SGCD: variants seen among roughly 807,000 people sequenced by gnomAD.
SGCD encodes sarcoglycan delta.
SGCD carries 18 observed loss-of-function variants against 36.6 expected under a neutral mutation model. That is an observed-to-expected ratio of 0.49 (90% CI 0.34 to 0.73). SGCD has a LOEUF of 0.73. Ranked by LOEUF, SGCD falls within the 30% of genes least tolerant of loss-of-function variation. The pLI, the probability that SGCD is intolerant of heterozygous loss-of-function variation, is 0.01. For missense variants in SGCD, 387 were observed against 346.7 expected (o/e 1.12, Z -0.92); for synonymous variants, 133 against 130.6 (o/e 1.02, Z -0.12).
the SGCD span, among the ~76,000 whole-genome samples, chr5:155,754,415 G>A: frequency 1.3e-5 from 2 of 152,184 alleles, no homozygotes; most frequent in African/African-American, 4.8e-5. Flanking sequence ...CTTGCCATGG[G>A]AGGAAAGGAC....
intron 4 of SGCD, among the ~76,000 whole-genome samples, chr5:156,564,974 G>T (rs1409285144): frequency 6.6e-6 from 1 of 152,164 alleles, no homozygotes; most frequent in Non-Finnish European, 1.5e-5. Flanking sequence ...TCATCTTAGA[G>T]ATTCAAAGTC....
intron 3 of SGCD, among the ~76,000 whole-genome samples, chr5:156,493,036 G>A (rs1185321960): frequency 6.6e-6 from 1 of 152,166 alleles, no homozygotes; most frequent in Non-Finnish European, 1.5e-5. Flanking sequence ...ATGTGCACGT[G>A]TCTTTATAGT....
At chr5:156,159,472 C>T (rs1209194629) in intron 3 of SGCD, among the ~76,000 whole-genome samples, 1 of 151,304 alleles carries the variant, frequency 6.6e-6, no homozygotes, top group Non-Finnish European at 1.5e-5. Flanking sequence ...CTGAACCACT[C>T]ATAAAAAAAA....
At chr5:155,840,869 G>A in the SGCD span, among the ~76,000 whole-genome samples, 1 of 151,580 alleles carries the variant, frequency 6.6e-6, no homozygotes, top group Admixed American at 6.6e-5. Flanking sequence ...AAATTAGCTG[G>A]GCATGGTGGC....
the SGCD span, among the ~76,000 whole-genome samples, chr5:155,731,057 C>T: frequency 9.2e-5 from 14 of 151,982 alleles, no homozygotes; most frequent in African/African-American, 3.1e-4. Flanking sequence ...TTATGCATTA[C>T]AGAAAGACAG....
intron 4 of SGCD, among the ~76,000 whole-genome samples, chr5:156,519,038 C>A (rs1757297779): frequency 6.7e-6 from 1 of 150,368 alleles, no homozygotes; most frequent in Non-Finnish European, 1.5e-5. Context: ...AAAAAAAATT[C>A]AAAAAATCAA....
rs529340946 is a variant in SGCD at position 156,702,450 on chromosome 5, C to T, written c.575+54914C>T. Among the ~76,000 whole-genome samples, 4 of 152,176 alleles carry T rather than the reference C, an allele frequency of 2.6e-5. No individual in the cohort carries two copies. In the East Asian group the frequency reaches 5.8e-4, roughly 22 times the overall value. On this transcript the variant is annotated intron_variant, in intron 7 of 8. Transcript: ENST00000337851. ...AGCCAAAATGTGGATACTTTTCCTCCCAAGCCATCCTCAAACATACTCAGG... is the reference window on the plus strand; with the variant it reads ...AGCCAAAATGTGGATACTTTTCCTCTCAAGCCATCCTCAAACATACTCAGG...
intron 1 of SGCD, among the ~76,000 whole-genome samples, chr5:156,068,789 T>G (rs1024770430): frequency 6.6e-6 from 1 of 151,766 alleles, no homozygotes; most frequent in African/African-American, 2.4e-5. Context: ...CACCTGTTGT[T>G]TCCTGACTTC....
chr5:156,034,682 G>A (rs1437401483), intron 1 of SGCD, among the ~76,000 whole-genome samples: 2 of 152,150 alleles, frequency 1.3e-5, no homozygotes, highest in African/African-American at 4.8e-5. Flanking sequence ...GAAAGTTCAA[G>A]GCAAGTCAGA....
chr5:156,564,381 C>T (rs983130487), intron 4 of SGCD, among the ~76,000 whole-genome samples: 73 of 152,050 alleles, frequency 4.8e-4, no homozygotes, highest in African/African-American at 1.7e-3. Flanking sequence ...ACCCGGGAGG[C>T]GGAGCTTGCA....
chr5:156,616,604 C>G (rs543514251), intron 6 of SGCD, among the ~76,000 whole-genome samples: 4 of 152,122 alleles, frequency 2.6e-5, no homozygotes, highest in Non-Finnish European at 5.9e-5. Flanking sequence ...ACAATGGTAC[C>G]AAGCATGTTT....
intron 3 of SGCD, among the ~76,000 whole-genome samples, chr5:156,179,557 C>A (rs559356053): frequency 6.6e-6 from 1 of 151,998 alleles, no homozygotes; most frequent in South Asian, 2.1e-4. Flanking sequence ...AAATTGCCCT[C>A]CATATAGATT....
At chr5:156,464,361 C>T (rs1754631690) in intron 3 of SGCD, among the ~76,000 whole-genome samples, 1 of 151,782 alleles carries the variant, frequency 6.6e-6, no homozygotes, top group Non-Finnish European at 1.5e-5. Flanking sequence ...GCTGGGATTA[C>T]AGGCATGTAC....
rs1757386647 is a variant in SGCD at position 156,757,585 on chromosome 5, G to C, written c.580G>C (p.Glu194Gln). 6.3e-7 allele frequency: 1 copy of C among 1,598,762 alleles called. No individual in the cohort carries two copies. Among genetic ancestry groups the C allele is most frequent in the South Asian group, 1.1e-5 (1 of 87,656 alleles). The part of the protein sequence containing the change: ...RADPFKELRL[E>Q]SPTRSLVMEA... Reference sequence around the variant, plus strand: ...ACGATCTTGGGTGTTTTTCAGGTTGGAGTCCCCAACCCGGTCTCTAGTGAT... The same window carrying C: ...ACGATCTTGGGTGTTTTTCAGGTTGCAGTCCCCAACCCGGTCTCTAGTGAT... The change falls in exon 8 of 9, where the codon GAG becomes CAG. Residue 194 changes from glutamate to glutamine, a missense_variant. Transcript: ENST00000337851.
chr5:155,732,074 T>C, the SGCD span, among the ~76,000 whole-genome samples: 40,283 of 152,086 alleles, frequency 0.26, 7,054 homozygotes, highest in East Asian at 0.53. Flanking sequence ...ATCACAGTAG[T>C]TCCAGGGGAA....
chr5:156,421,672 TAA>T (rs1454742995), intron 3 of SGCD, among the ~76,000 whole-genome samples: 1 of 152,070 alleles, frequency 6.6e-6, no homozygotes, highest in African/African-American at 2.4e-5. Flanking sequence ...TTTAAATTGC[TAA>T]AAGAGCCCTT....
At chr5:155,734,787 C>T in the SGCD span, among the ~76,000 whole-genome samples, 16 of 152,190 alleles carry the variant, frequency 1.1e-4, no homozygotes, top group Non-Finnish European at 2.1e-4. Context: ...TTTCATAGAT[C>T]CATCCCCTGC....
At chr5:156,658,671 A>C (rs1763785934) in intron 7 of SGCD, among the ~76,000 whole-genome samples, 1 of 72,396 alleles carries the variant, frequency 1.4e-5, no homozygotes, top group South Asian at 5.4e-4. Context: ...GCTTTTCCCC[A>C]CATTTCCCCC....
the SGCD span, among the ~76,000 whole-genome samples, chr5:155,761,450 ACCCTCTCC>A: frequency 7.1e-6 from 1 of 139,916 alleles, no homozygotes; most frequent in African/African-American, 2.8e-5. Flanking sequence ...CCTCACCATC[ACCCTCTCC>A]ATCATCCTCA....
Sources: allele counts gnomAD v4.1 joint callset (sites outside exome capture counted in the v4.1 genomes callset), GRCh38; gene constraint gnomAD v4.1.1; transcripts MANE v1.5; gene names NCBI Gene and HGNC (gene_info 2026-07-23, HGNC 2026-07-21).